Variants in MDFIC observed in about 807,000 individuals in gnomAD.
MDFIC encodes myoD family inhibitor domain-containing protein.
MDFIC carries 17 observed loss-of-function variants against 23.2 expected under a neutral mutation model. The observed-to-expected ratio is 0.73, with a 90% CI of 0.50 to 1.10. The LOEUF is 1.10. Among genes scored for constraint, MDFIC ranks in the 50% least tolerant of loss-of-function variants. The pLI is 0.00. For missense variants in MDFIC, 356 were observed against 316.6 expected, an observed-to-expected ratio of 1.12 and a Z score of -0.95; for synonymous variants, 120 against 115.2, an observed-to-expected ratio of 1.04 and a Z score of -0.27.
intron 4 of MDFIC, among the ~76,000 whole-genome samples, chr7:114,993,948 G>T (rs559529877): frequency 6.6e-6 from 1 of 152,120 alleles, no homozygotes; most frequent in Non-Finnish European, 1.5e-5. Flanking sequence ...TGACAGTGGG[G>T]TGTTAAGGTC....
Position 115,017,123 on chromosome 7 carries a change from C to T in MDFIC, c.*1188C>T, listed in dbSNP as rs1331116847. 1 of 152,136 alleles carries T rather than the reference C, an allele frequency of 6.6e-6. No individual in the cohort carries two copies. The highest frequency in any genetic ancestry group is 1.5e-5 in the Non-Finnish European group (1 of 68,012). 9.4% of individuals were successfully genotyped at this position (152,136 alleles called of 1,614,324 possible). On this transcript the variant is annotated 3_prime_UTR_variant, in exon 5 of 5. Transcript: ENST00000393486. ...GGTGGACACCCTAAACTGTGTGTGC[C>T]TTTAACCAGTTAAAAGAACAGTGCC... is the stretch of plus-strand genomic sequence containing the variant.
intron 3 of MDFIC, among the ~76,000 whole-genome samples, chr7:114,977,529 T>C (rs1438227994): frequency 1.3e-5 from 2 of 152,146 alleles, no homozygotes; most frequent in African/African-American, 4.8e-5. Context: ...CATTGATCAC[T>C]TCCAAATGCA....
rs1000783886 is a variant in MDFIC, at chr7:114,934,179, G to C, written c.95-8096G>C. Among the ~76,000 whole-genome samples, 7 of 152,182 alleles carry C rather than the reference G, an allele frequency of 4.6e-5. 1 individual carries two copies. In the East Asian group the frequency reaches 1.3e-3, roughly 29 times the overall value. On this transcript the variant is annotated intron_variant, in intron 2 of 4. Coordinates refer to ENST00000393486, the MANE Select transcript of MDFIC (RefSeq NM_001166345.3). The stretch of plus-strand genomic sequence containing the variant: ...CATAGCTGAAACTGTATGTGAGAAG[G>C]AAGGAGTTTGCTGTGCCTCAAGGTC...
chr7:114,943,582 A>G (rs1325270555), intron 3 of MDFIC, among the ~76,000 whole-genome samples: 1 of 152,218 alleles, frequency 6.6e-6, no homozygotes, highest in Non-Finnish European at 1.5e-5. Context: ...GAAGATTTAT[A>G]TAGCTTTATC....
At chr7:114,991,069 T>C (rs1447323430) in intron 4 of MDFIC, among the ~76,000 whole-genome samples, 2 of 152,102 alleles carry the variant, frequency 1.3e-5, no homozygotes, top group Non-Finnish European at 2.9e-5. Flanking sequence ...TATCTCATTG[T>C]GGTTTTGATT....
chr7:114,947,620 A>G (rs1158087168), intron 3 of MDFIC, among the ~76,000 whole-genome samples: 1 of 152,120 alleles, frequency 6.6e-6, no homozygotes, highest in African/African-American at 2.4e-5. Flanking sequence ...AGCTGGGGAG[A>G]ACCATTTCAT....
At chr7:114,932,399 A>G (rs1315763168) in intron 2 of MDFIC, among the ~76,000 whole-genome samples, 3 of 152,222 alleles carry the variant, frequency 2.0e-5, no homozygotes, top group African/African-American at 7.2e-5. Flanking sequence ...AATAGGCGAC[A>G]TAAAAAGAAA....
At chr7:115,008,206 A>G (rs1442445310) in intron 4 of MDFIC, among the ~76,000 whole-genome samples, 1 of 151,540 alleles carries the variant, frequency 6.6e-6, no homozygotes, top group African/African-American at 2.4e-5. Context: ...TATGAAAGCA[A>G]CTCCCATAGG....
intron 2 of MDFIC, among the ~76,000 whole-genome samples, chr7:114,936,564 A>C (rs549496856): frequency 5.3e-5 from 8 of 152,334 alleles, no homozygotes; most frequent in African/African-American, 1.7e-4. Context: ...GTTTAAAAAA[A>C]AAAGAATAAC....
intron 3 of MDFIC, among the ~76,000 whole-genome samples, chr7:114,976,902 GATA>G (rs954751514): frequency 6.6e-6 from 1 of 151,770 alleles, no homozygotes; most frequent in Non-Finnish European, 1.5e-5. Flanking sequence ...AGTCACCAAA[GATA>G]ATAAGTCCTC....
chr7:114,929,459 G>C (rs1792266527), intron 2 of MDFIC, among the ~76,000 whole-genome samples: 2 of 152,164 alleles, frequency 1.3e-5, no homozygotes, highest in African/African-American at 4.8e-5. Flanking sequence ...ACCTGCTATA[G>C]ATATGGTGTC....
intron 4 of MDFIC, among the ~76,000 whole-genome samples, chr7:114,981,158 A>G (rs1161396210): frequency 6.6e-6 from 1 of 152,230 alleles, no homozygotes; most frequent in Non-Finnish European, 1.5e-5. Flanking sequence ...GATCGGGTGA[A>G]ATAATTGAAT....
At chr7:114,996,206 C>T (rs1045811518) in intron 4 of MDFIC, among the ~76,000 whole-genome samples, 4 of 152,138 alleles carry the variant, frequency 2.6e-5, no homozygotes, top group Non-Finnish European at 4.4e-5. Flanking sequence ...TCCCAAAAAG[C>T]GAGACCTGCC....
chr7:114,955,478 C>G (rs767485201), intron 3 of MDFIC, among the ~76,000 whole-genome samples: 1 of 152,110 alleles, frequency 6.6e-6, no homozygotes, highest in Non-Finnish European at 1.5e-5. Context: ...TCATTAATTT[C>G]AAAATTGTAA....
At chr7:114,940,874 A>G (rs1444435837) in intron 2 of MDFIC, among the ~76,000 whole-genome samples, 1 of 152,188 alleles carries the variant, frequency 6.6e-6, no homozygotes, top group African/African-American at 2.4e-5. Context: ...ATCTTCCTTG[A>G]TAATCTTTAC....
At chr7:114,928,175 G>C (rs910566905) in intron 2 of MDFIC, among the ~76,000 whole-genome samples, 2 of 151,864 alleles carry the variant, frequency 1.3e-5, no homozygotes, top group Non-Finnish European at 2.9e-5. Flanking sequence ...CCTTTGTTAA[G>C]AAAAAGAACC....
chr7:114,945,977 G>A (rs999948349), intron 3 of MDFIC, among the ~76,000 whole-genome samples: 3 of 152,070 alleles, frequency 2.0e-5, no homozygotes, highest in East Asian at 1.9e-4. Context: ...TCAGATTAGC[G>A]TATATGGTAT....
chr7:114,942,446 G>C (rs1792563091), intron 3 of MDFIC, 49 bp downstream of exon 3: 1 of 1,403,298 alleles, frequency 7.1e-7, no homozygotes. Context: ...TATGACTATG[G>C]TAATATATTC....
chr7:114,967,702 T>C (rs1326153988), intron 3 of MDFIC, among the ~76,000 whole-genome samples: 1 of 152,122 alleles, frequency 6.6e-6, no homozygotes, highest in African/African-American at 2.4e-5. Flanking sequence ...TAATAATGTA[T>C]TTAAGTCGGT....
Sources: gnomAD v4.1 joint callset for allele counts (sites outside exome capture counted in the v4.1 genomes callset) on GRCh38, gnomAD v4.1.1 for gene constraint, MANE v1.5 for transcripts, NCBI Gene and HGNC (gene_info 2026-07-23, HGNC 2026-07-21) for gene names.